RSRC1: variants seen among roughly 807,000 people sequenced by gnomAD.
The protein encoded by RSRC1 is arginine and serine rich coiled-coil 1, also known as serine/Arginine-related protein 53.
Under a neutral mutation model 49.1 loss-of-function variants are expected in RSRC1, and 39 were observed. That is an observed-to-expected ratio of 0.79 (90% CI 0.61 to 1.04). RSRC1 has a LOEUF of 1.04. Among genes scored for constraint, RSRC1 ranks in the 50% least tolerant of loss-of-function variants. RSRC1 has a pLI of 0.00. For synonymous variants in RSRC1, 143 were observed against 130.8 expected (o/e 1.09, Z -0.63); for missense variants, 388 against 402.4 (o/e 0.96, Z 0.31).
chr3:158,480,225 T>C (rs1738553233), intron 7 of RSRC1, among the ~76,000 whole-genome samples: 1 of 152,046 alleles, frequency 6.6e-6, no homozygotes, highest in African/African-American at 2.4e-5. Flanking sequence ...TTTAGAAGTT[T>C]TAGAAGCAAT....
intron 4 of RSRC1, among the ~76,000 whole-genome samples, chr3:158,233,929 A>G (rs772907341): frequency 5.3e-5 from 8 of 152,114 alleles, no homozygotes; most frequent in South Asian, 4.1e-4. Flanking sequence ...CTTATTCTCT[A>G]TCTCCCTGGA....
At chr3:158,323,604 G>A (rs1449838406) in intron 5 of RSRC1, among the ~76,000 whole-genome samples, 1 of 152,064 alleles carries the variant, frequency 6.6e-6, no homozygotes, top group African/African-American at 2.4e-5. Context: ...ACCACCTCTG[G>A]TGCTGAAGCA....
At chr3:158,402,659 A>G (rs1041974033) in intron 6 of RSRC1, among the ~76,000 whole-genome samples, 2 of 151,846 alleles carry the variant, frequency 1.3e-5, no homozygotes, top group Admixed American at 6.6e-5. Context: ...GTCATTCACC[A>G]TTTTGTATAT....
intron 4 of RSRC1, among the ~76,000 whole-genome samples, chr3:158,246,880 A>G (rs827176): frequency 0.45 from 68,299 of 151,786 alleles, 15,704 homozygotes; most frequent in East Asian, 0.64. Context: ...CTCATGGAGA[A>G]GTTCTGTGGG....
chr3:158,341,965 G>A (rs1382361867), intron 5 of RSRC1, among the ~76,000 whole-genome samples: 3 of 152,122 alleles, frequency 2.0e-5, no homozygotes, highest in Admixed American at 6.5e-5. Flanking sequence ...ACTGGATTTC[G>A]GACTTGCATG....
At chr3:158,283,427 A>C (rs1726296424) in intron 4 of RSRC1, among the ~76,000 whole-genome samples, 1 of 152,142 alleles carries the variant, frequency 6.6e-6, no homozygotes, top group African/African-American at 2.4e-5. Flanking sequence ...TCAGTTTATA[A>C]CTTTTTAGAT....
chr3:158,204,533 G>A (rs1721244452), intron 4 of RSRC1, among the ~76,000 whole-genome samples: 1 of 152,144 alleles, frequency 6.6e-6, no homozygotes, highest in South Asian at 2.1e-4. Flanking sequence ...GAGTTAGCCA[G>A]CACTGGTAAA....
chr3:158,237,521 A>G (rs1723309689), intron 4 of RSRC1, among the ~76,000 whole-genome samples: 1 of 152,200 alleles, frequency 6.6e-6, no homozygotes, highest in African/African-American at 2.4e-5. Context: ...TTGAATTCCA[A>G]CTATTCTAAT....
At position 158,487,946 on chromosome 3, in the gene RSRC1, C is replaced by CAAAAAAAAAAA. The variant is rs1303656428; in HGVS notation, c.652+26945_652+26946insAAAAAAAAAAA. ...GCCTAGGAGACAAGAGACTCCATCTCAAGAAAAAAAAAAAAAAAAAAAAAA... is the reference window on the plus strand; with the variant it reads ...GCCTAGGAGACAAGAGACTCCATCTCAAAAAAAAAAAAAGAAAAAAAAAAAAAAAAAAAAAA... On this transcript the variant is annotated intron_variant, in intron 7 of 9. Transcript: ENST00000611884. Among the ~76,000 whole-genome samples, 77 of 11,468 alleles carry CAAAAAAAAAAA rather than the reference C, an allele frequency of 6.7e-3. 3 individuals are homozygous for CAAAAAAAAAAA. Among genetic ancestry groups the CAAAAAAAAAAA allele is most frequent in the South Asian group, 0.022 (5 of 230 alleles). The allele number at this position is 11,468 out of a possible 152,430, so 7.5% of individuals were successfully genotyped here.
At chr3:158,116,706 A>G (rs1033087648) in intron 1 of RSRC1, among the ~76,000 whole-genome samples, 4 of 144,002 alleles carry the variant, frequency 2.8e-5, no homozygotes, top group Non-Finnish European at 1.5e-5. Flanking sequence ...TTTTAGTGTT[A>G]CAGTGAATAT....
chr3:158,284,057 A>T (rs1329265019), intron 4 of RSRC1, among the ~76,000 whole-genome samples: 1 of 97,646 alleles, frequency 1.0e-5, no homozygotes, highest in African/African-American at 3.9e-5. Flanking sequence ...CCCACCCCAC[A>T]ACAGTCCCCA....
At chr3:158,235,467 CAATT>C (rs1723189598) in intron 4 of RSRC1, among the ~76,000 whole-genome samples, 1 of 152,128 alleles carries the variant, frequency 6.6e-6, no homozygotes, top group Middle Eastern at 3.4e-3. Context: ...AAAACAGTGC[CAATT>C]AATTTTAAGA....
intron 4 of RSRC1, among the ~76,000 whole-genome samples, chr3:158,251,884 G>A (rs1336224987): frequency 6.6e-6 from 1 of 152,110 alleles, no homozygotes. Context: ...GTGCATCCTT[G>A]TCTTCTTCCA....
At chr3:158,316,043 G>T (rs1479444268) in intron 5 of RSRC1, among the ~76,000 whole-genome samples, 1 of 151,848 alleles carries the variant, frequency 6.6e-6, no homozygotes, top group African/African-American at 2.4e-5. Context: ...GTGGTGGCAT[G>T]CACCTGTAAT....
intron 7 of RSRC1, 21 bp downstream of exon 7, chr3:158,461,024 T>C: frequency 2.6e-6 from 4 of 1,563,396 alleles, no homozygotes; most frequent in Non-Finnish European, 3.5e-6. Flanking sequence ...GTGTTCATTT[T>C]TCTCTGAGAA....
chr3:158,270,439 G>A (rs1251329998), intron 4 of RSRC1, among the ~76,000 whole-genome samples: 1 of 152,178 alleles, frequency 6.6e-6, no homozygotes, highest in African/African-American at 2.4e-5. Flanking sequence ...GAATTGCGCT[G>A]TGCCAGTAGC....
intron 5 of RSRC1, among the ~76,000 whole-genome samples, chr3:158,334,736 G>T (rs959072887): frequency 1.7e-4 from 26 of 151,028 alleles, no homozygotes; most frequent in Non-Finnish European, 3.2e-4. Flanking sequence ...GTCCAGGATG[G>T]TCTCGATCTC....
chr3:158,297,713 TATA>T (rs1233894595), intron 4 of RSRC1, among the ~76,000 whole-genome samples: 2 of 151,912 alleles, frequency 1.3e-5, no homozygotes, highest in Non-Finnish European at 2.9e-5. Flanking sequence ...TAAACAATAA[TATA>T]ATAAAATTTC....
intron 5 of RSRC1, among the ~76,000 whole-genome samples, chr3:158,323,250 T>C (rs1728864232): frequency 6.6e-6 from 1 of 152,184 alleles, no homozygotes; most frequent in Non-Finnish European, 1.5e-5. Context: ...GCTTGGATTT[T>C]GAGTGTTTAT....
Sources: gnomAD v4.1 joint callset for allele counts (sites outside exome capture counted in the v4.1 genomes callset) on GRCh38, gnomAD v4.1.1 for gene constraint, MANE v1.5 for transcripts, NCBI Gene and HGNC (gene_info 2026-07-23, HGNC 2026-07-21) for gene names.